Variants in PUS7L observed in about 807,000 individuals in gnomAD.
The protein encoded by PUS7L is pseudouridylate synthase PUS7L.
A neutral mutation model predicts 51.1 loss-of-function variants in PUS7L; 49 were observed. That is an observed-to-expected ratio of 0.96 (90% CI 0.76 to 1.22). The LOEUF (loss-of-function observed/expected upper bound fraction) is 1.22. Ranked by LOEUF, PUS7L falls within the 50% of genes most tolerant of loss-of-function variation. The probability of loss-of-function intolerance (pLI) is 0.00; values close to 1 mark genes in which losing one functional copy is unlikely to be tolerated. For synonymous variants in PUS7L, 277 were observed against 276.2 expected (o/e 1.00, Z -0.03); for missense variants, 828 against 820.6 (o/e 1.01, Z -0.11).
chr12:43,731,721 A>G lies in PUS7L; in HGVS notation c.1763T>C (p.Met588Thr), dbSNP rs140754236. 3.0e-5 allele frequency: 47 copies of G among 1,578,928 alleles called. No homozygotes were observed. Among genetic ancestry groups the G allele is most frequent in the Non-Finnish European group, 4.1e-5 (47 of 1,152,032 alleles). Residue 588 changes from methionine to threonine, a missense_variant, in exon 8 of 9, where the codon ATG becomes ACG. By Grantham distance (81) the Met-to-Thr change is moderately conservative. Transcript: ENST00000344862. Reference sequence around the variant, plus strand: ...CAAATTTACCTGATGTATTGCATACATATTAGCTGATCCCTCCTCTTCAGT... The same window carrying G: ...CAAATTTACCTGATGTATTGCATACGTATTAGCTGATCCCTCCTCTTCAGT... ...LVTEEEGSAN[M>T]YAIHQVVLPV...
At chr12:43,758,163 G>C (rs1206228377) in intron 1 of PUS7L, 1 of 316,396 alleles carries the variant, frequency 3.2e-6, no homozygotes, top group Non-Finnish European at 4.6e-6. Flanking sequence ...GGCCCTGAAA[G>C]AATAATGATC....
chr12:43,738,166 G>T, intron 6 of PUS7L, 144 bp downstream of exon 6: 2 of 580,642 alleles, frequency 3.4e-6, no homozygotes, highest in Non-Finnish European at 6.0e-6. Context: ...CCTAAGTCAT[G>T]TAATAAAAGT....
intron 4 of PUS7L, 114 bp downstream of exon 4, chr12:43,745,932 T>C (rs1183166935): frequency 1.8e-6 from 1 of 548,386 alleles, no homozygotes; most frequent in Non-Finnish European, 3.2e-6. Flanking sequence ...TTAATCACTT[T>C]TAAAAATCCC....
chr12:43,756,826 G>C (rs529510758), intron 1 of PUS7L, among the ~76,000 whole-genome samples: 1 of 152,268 alleles, frequency 6.6e-6, no homozygotes, highest in Admixed American at 6.5e-5. Flanking sequence ...CCTAACTCCT[G>C]CTTCTATAAC....
In PUS7L at chr12:43,730,680, T is replaced by C; in HGVS notation, c.1802A>G (p.Tyr601Cys). 2 of 1,606,300 alleles carry C rather than the reference T, an allele frequency of 1.2e-6. No individual in the cohort carries two copies. Among genetic ancestry groups the C allele is most frequent in the Middle Eastern group, 1.7e-4 (1 of 6,036 alleles). Residue 601 changes from tyrosine (Y) to cysteine (C), a missense_variant, in exon 9 of 9, where the codon TAC becomes TGC. By Grantham distance (194) the Tyr-to-Cys change is radical. Transcript: ENST00000344862. ...TTTGTTCTTCGGGTACTGAATATTG[T>C]ATCCAAGTACTGGAAGAACCACCTG... ...IHQVVLPVLGYNIQYPKNKVG... is the reference protein window; with the variant it reads ...IHQVVLPVLGCNIQYPKNKVG...
intron 2 of PUS7L, among the ~76,000 whole-genome samples, chr12:43,749,976 AC>A (rs1938364533): frequency 2.6e-5 from 4 of 152,140 alleles, no homozygotes; most frequent in Admixed American, 6.5e-5. Flanking sequence ...GTTCCATCGT[AC>A]CCCAAATCTC....
intron 2 of PUS7L, among the ~76,000 whole-genome samples, chr12:43,752,379 C>A (rs1938496236): frequency 6.6e-6 from 1 of 152,182 alleles, no homozygotes; most frequent in African/African-American, 2.4e-5. Flanking sequence ...TATGACCTAG[C>A]CTCAGAAGTC....
intron 5 of PUS7L, chr12:43,739,049 T>G (rs1937753662): frequency 6.5e-6 from 1 of 153,814 alleles, no homozygotes; most frequent in Non-Finnish European, 1.4e-5. Flanking sequence ...ATAGGGCAAA[T>G]GAAAAAGGAA....
At chr12:43,736,964 TAAAAC>T (rs1944709294) in intron 6 of PUS7L, among the ~76,000 whole-genome samples, 1 of 151,798 alleles carries the variant, frequency 6.6e-6, no homozygotes, top group African/African-American at 2.4e-5. Context: ...ACAGGACTGT[TAAAAC>T]AAAATCAAAC....
chr12:43,723,895 T>C lies in PUS7L; in HGVS notation c.*6481A>G, dbSNP rs997329078. ...CCATTAAAATCTCTCTCTCTCAAAA[T>C]GTTGTCATGAGCCACCAAAACCATT... On this transcript the variant is annotated 3_prime_UTR_variant, in exon 9 of 9. Coordinates refer to ENST00000344862, the MANE Select transcript of PUS7L (RefSeq NM_031292.5). The C allele has an allele frequency of 6.6e-5, 10 of 152,118 alleles. No homozygotes were observed. The highest frequency in any genetic ancestry group is 7.2e-5 in the African/African-American group (3 of 41,462). The allele number at this position is 152,118 out of a possible 1,614,324, so 9.4% of individuals were successfully genotyped here.
intron 2 of PUS7L, among the ~76,000 whole-genome samples, chr12:43,752,904 T>A (rs1938524172): frequency 6.6e-6 from 1 of 152,200 alleles, no homozygotes; most frequent in Non-Finnish European, 1.5e-5. Flanking sequence ...TAATGTAATT[T>A]AAAATTAAAA....
intron 1 of PUS7L, among the ~76,000 whole-genome samples, chr12:43,756,541 G>C (rs1938708905): frequency 6.6e-6 from 1 of 152,154 alleles, no homozygotes; most frequent in African/African-American, 2.4e-5. Flanking sequence ...TTCATTCACT[G>C]ATCTCTGGCT....
chr12:43,741,937 G>A (rs1305526407), intron 5 of PUS7L, among the ~76,000 whole-genome samples: 2 of 151,948 alleles, frequency 1.3e-5, no homozygotes, highest in African/African-American at 4.8e-5. Context: ...CCATTTTAGT[G>A]TAAAAATATG....
In PUS7L at chr12:43,738,820, A is replaced by C. The variant is rs1937740826; in HGVS notation, c.1363-429T>G. The C allele has an allele frequency of 2.3e-5, 7 of 304,658 alleles. No homozygotes were observed. The South Asian group carries it at 3.1e-4, about 13-fold the overall frequency. 18.9% of individuals were successfully genotyped at this position (304,658 alleles called of 1,614,324 possible). A position where few individuals can be genotyped will look rare whatever the true frequency, so the allele number is the denominator to read the frequency against. On this transcript the variant is annotated intron_variant, in intron 5 of 8. Transcript: ENST00000344862. ...TAAATAGTAAAACTTTTTTGCAGTC[A>C]TTTCAGGTTCTTAACAACCCACCAG...
At chr12:43,737,638 G>A (rs1028494382) in intron 6 of PUS7L, among the ~76,000 whole-genome samples, 55 of 151,346 alleles carry the variant, frequency 3.6e-4, no homozygotes, top group East Asian at 5.8e-4. Flanking sequence ...TGTAGTACAC[G>A]CAAGGCATTA....
chr12:43,733,364 C>T (rs1392517020), intron 7 of PUS7L, among the ~76,000 whole-genome samples: 1 of 152,002 alleles, frequency 6.6e-6, no homozygotes, highest in Non-Finnish European at 1.5e-5. Context: ...ATATTTTGGG[C>T]CTCTAAGTCC....
At chr12:43,732,324 G>A (rs1295673025) in intron 7 of PUS7L, among the ~76,000 whole-genome samples, 1 of 151,998 alleles carries the variant, frequency 6.6e-6, no homozygotes, top group Non-Finnish European at 1.5e-5. Flanking sequence ...GCACATGCCT[G>A]TAGTGCTAGC....
intron 2 of PUS7L, among the ~76,000 whole-genome samples, chr12:43,751,195 T>TG: frequency 6.7e-6 from 1 of 149,252 alleles, no homozygotes; most frequent in Non-Finnish European, 1.5e-5. Context: ...TTATTTTTAA[T>TG]TTATATATAT....
At position 43,754,532 on chromosome 12, in the gene PUS7L, G is replaced by C. The variant is rs150364500; in HGVS notation, c.714C>G (p.Asn238Lys). 2 of 1,612,586 alleles carry C rather than the reference G, an allele frequency of 1.2e-6. No homozygotes were observed. The highest frequency in any genetic ancestry group is 1.7e-6 in the Non-Finnish European group (2 of 1,179,476). ...GGTGGACAGCTTTTCTGTGGTCTTT[G>C]TTTGTATCAGGTTTAAAGGTAAATT... is the stretch of plus-strand genomic sequence containing the variant. ...NSKFTFKPDT[N>K]KDHRKAVHHF... The change falls in exon 2 of 9, where the codon AAC (asparagine) becomes AAG (lysine). Residue 238 changes from asparagine to lysine, a missense_variant. Transcript: ENST00000344862.
Sources: allele counts gnomAD v4.1 joint callset (sites outside exome capture counted in the v4.1 genomes callset), GRCh38; gene constraint gnomAD v4.1.1; transcripts MANE v1.5; gene names NCBI Gene and HGNC (gene_info 2026-07-23, HGNC 2026-07-21).